KIAA0232: variants seen among roughly 807,000 people sequenced by gnomAD.
The protein encoded by KIAA0232 is KIAA0232.
A neutral mutation model predicts 122.0 loss-of-function variants in KIAA0232; 27 were observed. The ratio of observed to expected loss-of-function variants is 0.22; its 90% confidence interval spans 0.16 to 0.31. The LOEUF is 0.31. Ranked by LOEUF, KIAA0232 falls within the 10% of genes least tolerant of loss-of-function variation. The probability of loss-of-function intolerance (pLI) is 1.00; values close to 1 mark genes in which losing one functional copy is unlikely to be tolerated. For synonymous variants in KIAA0232, 613 were observed against 587.6 expected (o/e 1.04, Z -0.63); for missense variants, 1,551 against 1,634.2 (o/e 0.95, Z 0.88).
intron 3 of KIAA0232, among the ~76,000 whole-genome samples, chr4:6,832,186 A>C (rs1009008669): frequency 7.9e-5 from 12 of 152,164 alleles, no homozygotes; most frequent in Non-Finnish European, 2.9e-5. Flanking sequence ...TCTTATCCTC[A>C]GTCTTTCCCT....
chr4:6,863,548 T>C lies in KIAA0232; in HGVS notation c.3166T>C (p.Cys1056Arg). Residue 1056 changes from cysteine to arginine, a missense_variant, in exon 7 of 10, where the codon TGC becomes CGC. Cys to Arg is a radical substitution (Grantham distance 180). Around this residue, in one of 5 missense-constraint regions of KIAA0232, gnomAD observed 1,108 missense variants for 1,154.8 expected, o/e 0.96. Coordinates refer to ENST00000307659, the MANE Select transcript of KIAA0232 (RefSeq NM_014743.3). ...NPFSQVLHVE[C>R]SFEPEGIASF... ...ATTTTCACAAGTTCTTCATGTAGAA[T>C]GCTCATTTGAACCTGAAGGGATTGC... The C allele has an allele frequency of 1.9e-6, 3 of 1,614,230 alleles. No homozygotes were observed. The highest frequency in any genetic ancestry group is 2.5e-6 in the Non-Finnish European group (3 of 1,180,046).
At chr4:6,785,516 G>A (rs1393381280) in intron 1 of KIAA0232, among the ~76,000 whole-genome samples, 3 of 152,190 alleles carry the variant, frequency 2.0e-5, no homozygotes, top group East Asian at 1.9e-4. Flanking sequence ...GAGGGAAGAC[G>A]TGAAATGTCG....
chr4:6,865,083 G>C (rs1306388118), intron 7 of KIAA0232, among the ~76,000 whole-genome samples: 4 of 150,876 alleles, frequency 2.7e-5, no homozygotes, highest in African/African-American at 9.7e-5. Flanking sequence ...TAAGGCTATG[G>C]AATGAGGATC....
In KIAA0232 at chr4:6,820,987, T is replaced by C. The variant is rs137876854; in HGVS notation, c.-269-3198T>C. Among the ~76,000 whole-genome samples the C allele has an allele frequency of 2.7e-4, 41 of 152,140 alleles. No individual in the cohort carries two copies. The East Asian group carries it at 7.0e-3, about 26-fold the overall frequency. On this transcript the variant is annotated intron_variant, in intron 2 of 9. Coordinates refer to ENST00000307659, the MANE Select transcript of KIAA0232 (RefSeq NM_014743.3). ...TGAGACAGAAATGGGGCTGAACTTA[T>C]CCTTTTATCAGGAGCCCACTCCTGT...
intron 2 of KIAA0232, among the ~76,000 whole-genome samples, chr4:6,819,788 C>T (rs866404356): frequency 6.6e-6 from 1 of 152,144 alleles, no homozygotes; most frequent in Non-Finnish European, 1.5e-5. Flanking sequence ...CAAAAAGACA[C>T]ATGTACTCAT....
chr4:6,806,116 T>C (rs1717603556), intron 2 of KIAA0232, among the ~76,000 whole-genome samples: 2 of 152,132 alleles, frequency 1.3e-5, no homozygotes, highest in Admixed American at 1.3e-4. Context: ...TGCTGTGAGG[T>C]TTACCCCTGC....
chr4:6,801,320 C>G (rs895675544), intron 1 of KIAA0232, among the ~76,000 whole-genome samples: 4 of 152,136 alleles, frequency 2.6e-5, no homozygotes, highest in South Asian at 4.1e-4. Context: ...CAATGCAGTT[C>G]TAGAGATTCA....
In KIAA0232 at chr4:6,854,248, C is replaced by CT. The variant is rs943891142; in HGVS notation, c.370-2908dup. ...GGATGCCTCACATGTGTCATGTTAG[C>CT]TTTTTTTTACTGAATCTTGGGAGGG... On this transcript the variant is annotated intron_variant, in intron 4 of 9. Coordinates refer to ENST00000307659, the MANE Select transcript of KIAA0232 (RefSeq NM_014743.3). Among the ~76,000 whole-genome samples, 18 of 151,988 alleles carry CT rather than the reference C, an allele frequency of 1.2e-4. No individual in the cohort carries two copies. The South Asian group carries it at 2.1e-3, about 18-fold the overall frequency.
intron 3 of KIAA0232, among the ~76,000 whole-genome samples, chr4:6,836,241 A>G (rs1577384303): frequency 1.3e-5 from 2 of 151,338 alleles, no homozygotes; most frequent in South Asian, 2.1e-4. Context: ...ATTTTTTCAT[A>G]TGTCTGTTGG....
At chr4:6,837,153 C>G (rs535565465) in intron 3 of KIAA0232, among the ~76,000 whole-genome samples, 1 of 150,728 alleles carries the variant, frequency 6.6e-6, no homozygotes, top group Non-Finnish European at 1.5e-5. Context: ...ACCTCCCGAA[C>G]GGGCCGGCTG....
intron 3 of KIAA0232, among the ~76,000 whole-genome samples, chr4:6,833,342 AAGCC>A (rs1158760014): frequency 6.6e-6 from 1 of 152,344 alleles, no homozygotes; most frequent in African/African-American, 2.4e-5. Flanking sequence ...TCCAGGAAGA[AAGCC>A]AGGAGTATCT....
At chr4:6,845,002 C>T (rs1377455632) in intron 4 of KIAA0232, among the ~76,000 whole-genome samples, 1 of 152,240 alleles carries the variant, frequency 6.6e-6, no homozygotes, top group Non-Finnish European at 1.5e-5. Flanking sequence ...AACCAAGCTA[C>T]AATCTCTCAT....
intron 1 of KIAA0232, among the ~76,000 whole-genome samples, chr4:6,783,585 G>A (rs1406295638): frequency 6.6e-6 from 1 of 151,900 alleles, no homozygotes; most frequent in East Asian, 1.9e-4. Context: ...TTGTCCTTTT[G>A]GGGCCCCGGG....
chr4:6,792,227 G>A (rs1396039769), intron 1 of KIAA0232, among the ~76,000 whole-genome samples: 1 of 151,948 alleles, frequency 6.6e-6, no homozygotes, highest in Non-Finnish European at 1.5e-5. Flanking sequence ...TTTTTAATAT[G>A]CCTAGTATTA....
intron 4 of KIAA0232, among the ~76,000 whole-genome samples, chr4:6,853,223 AG>A (rs1352602856): frequency 1.3e-5 from 2 of 152,210 alleles, no homozygotes; most frequent in East Asian, 3.8e-4. Flanking sequence ...GAAACATTTG[AG>A]GGATGAGATG....
chr4:6,806,880 T>G (rs1384640884), intron 2 of KIAA0232, among the ~76,000 whole-genome samples: 1 of 152,154 alleles, frequency 6.6e-6, no homozygotes, highest in Non-Finnish European at 1.5e-5. Flanking sequence ...AGCTTTTCCC[T>G]TTTATTTAGT....
chr4:6,845,533 C>T (rs963321595), intron 4 of KIAA0232, among the ~76,000 whole-genome samples: 6 of 151,464 alleles, frequency 4.0e-5, no homozygotes, highest in East Asian at 3.9e-4. Flanking sequence ...GGGAGTAAAT[C>T]GATAATTTGT....
At chr4:6,875,418 G>GTAT (rs2108843814) in intron 8 of KIAA0232, among the ~76,000 whole-genome samples, 1 of 152,368 alleles carries the variant, frequency 6.6e-6, no homozygotes, top group East Asian at 1.9e-4. Context: ...AGAGCCTGGG[G>GTAT]TATTCTCATG....
intron 1 of KIAA0232, among the ~76,000 whole-genome samples, chr4:6,799,172 C>T (rs1420127249): frequency 6.6e-6 from 1 of 151,646 alleles, no homozygotes; most frequent in Non-Finnish European, 1.5e-5. Flanking sequence ...TTACTGCAGT[C>T]TCCGCATCTG....
Sources: allele counts gnomAD v4.1 joint callset (sites outside exome capture counted in the v4.1 genomes callset), GRCh38; gene constraint gnomAD v4.1.1; regional missense constraint gnomAD v4.1.1; transcripts MANE v1.5; gene names NCBI Gene and HGNC (gene_info 2026-07-23, HGNC 2026-07-21).